Variants in SUCLG2 observed in about 807,000 individuals in gnomAD.
The protein encoded by SUCLG2 is succinate-CoA ligase GDP-forming subunit beta.
Under a neutral mutation model 47.9 loss-of-function variants are expected in SUCLG2, and 42 were observed. That is an observed-to-expected ratio of 0.88 (90% CI 0.69 to 1.14). SUCLG2 has a LOEUF of 1.14. Among genes scored for constraint, SUCLG2 ranks in the 50% most tolerant of loss-of-function variants. SUCLG2 has a pLI of 0.00. For missense variants in SUCLG2, 571 were observed against 525.9 expected (o/e 1.09, Z -0.84); for synonymous variants, 195 against 197.3 (o/e 0.99, Z 0.10).
At chr3:67,405,167 G>A (rs963673103) in intron 9 of SUCLG2, among the ~76,000 whole-genome samples, 8 of 152,020 alleles carry the variant, frequency 5.3e-5, no homozygotes, top group Admixed American at 3.3e-4. Flanking sequence ...TACAGGGCCC[G>A]GGTCCCCAGA....
intron 7 of SUCLG2, among the ~76,000 whole-genome samples, chr3:67,501,566 A>G (rs1399212800): frequency 6.6e-6 from 1 of 152,126 alleles, no homozygotes; most frequent in Non-Finnish European, 1.5e-5. Context: ...TCTGGGAGAT[A>G]GGAGAGTCTT....
At chr3:67,379,469 G>C (rs1702107641) in intron 10 of SUCLG2, among the ~76,000 whole-genome samples, 1 of 152,136 alleles carries the variant, frequency 6.6e-6, no homozygotes, top group Non-Finnish European at 1.5e-5. Context: ...AGTTTTACCT[G>C]AGTTCCTTTG....
At chr3:67,399,659 A>G (rs983741121) in intron 10 of SUCLG2, among the ~76,000 whole-genome samples, 3 of 152,188 alleles carry the variant, frequency 2.0e-5, no homozygotes, top group Non-Finnish European at 4.4e-5. Flanking sequence ...CAACCTTTGG[A>G]AGATCTGCAT....
chr3:67,516,917 C>T (rs1705961159), intron 6 of SUCLG2, among the ~76,000 whole-genome samples: 1 of 152,178 alleles, frequency 6.6e-6, no homozygotes, highest in Non-Finnish European at 1.5e-5. Context: ...TAATAAACAT[C>T]AAATGAATGG....
rs373751878 is a variant in SUCLG2, at chr3:67,418,948, T to C, written c.1063-18097A>G. ...TAAGAAATGCATTCAGTGAAACCTT[T>C]GAAATAGCTGTGTGCTCTCTATGCC... On this transcript the variant is annotated intron_variant, in intron 9 of 10. Transcript: ENST00000307227. Among the ~76,000 whole-genome samples the C allele has an allele frequency of 1.7e-4, 26 of 152,176 alleles. 2 individuals are homozygous for C. The highest frequency in any genetic ancestry group is 5.5e-4 in the African/African-American group (23 of 41,502).
chr3:67,603,002 A>G (rs1708452561), intron 2 of SUCLG2, among the ~76,000 whole-genome samples: 1 of 152,154 alleles, frequency 6.6e-6, no homozygotes, highest in Non-Finnish European at 1.5e-5. Flanking sequence ...AAATCACACC[A>G]CAGGAACCAT....
In SUCLG2 at chr3:67,528,955, T is replaced by C. The variant is rs1295563037; in HGVS notation, c.326+132A>G. ...CACTGCCAGAGCCCTCTACCTATGA[T>C]TTCAGTTTCTTCTAGTTGCTTTGGC... On this transcript the variant is annotated intron_variant, in intron 3 of 10. Coordinates refer to ENST00000307227, the MANE Select transcript of SUCLG2 (RefSeq NM_003848.4). The C allele has an allele frequency of 1.7e-5, 11 of 641,882 alleles. No homozygotes were observed. The East Asian group carries it at 2.8e-4, about 16-fold the overall frequency. 39.8% of individuals were successfully genotyped at this position (641,882 alleles called of 1,614,324 possible).
intron 2 of SUCLG2, among the ~76,000 whole-genome samples, chr3:67,536,309 A>C (rs139067823): frequency 6.6e-6 from 1 of 152,254 alleles, no homozygotes; most frequent in Non-Finnish European, 1.5e-5. Context: ...TTTTACAGCA[A>C]TATTACTAAT....
At chr3:67,482,917 T>C (rs1225729966) in intron 9 of SUCLG2, among the ~76,000 whole-genome samples, 1 of 152,230 alleles carries the variant, frequency 6.6e-6, no homozygotes. Context: ...TCAAAAACTT[T>C]CTATTGAGTT....
At chr3:67,512,928 C>T (rs567868043) in intron 6 of SUCLG2, among the ~76,000 whole-genome samples, 5 of 150,424 alleles carry the variant, frequency 3.3e-5, no homozygotes, top group East Asian at 3.9e-4. Context: ...TCTATATATA[C>T]GCACATATAT....
At chr3:67,426,634 T>C (rs1407075180) in intron 9 of SUCLG2, among the ~76,000 whole-genome samples, 1 of 152,120 alleles carries the variant, frequency 6.6e-6, no homozygotes, top group Non-Finnish European at 1.5e-5. Context: ...TTCTGCTAAT[T>C]AAAATAGGTG....
chr3:67,595,686 A>C (rs1177925740), intron 2 of SUCLG2, among the ~76,000 whole-genome samples: 2 of 152,182 alleles, frequency 1.3e-5, no homozygotes, highest in Non-Finnish European at 2.9e-5. Context: ...ATTATTTTAT[A>C]AACTATGGAT....
At chr3:67,409,127 T>C in intron 9 of SUCLG2, 1 of 1,341,420 alleles carries the variant, frequency 7.5e-7, no homozygotes, top group Non-Finnish European at 1.0e-6. Context: ...TCCTGTTTAC[T>C]GATAAAAGAG....
At chr3:67,500,589 G>A (rs1705470795) in intron 7 of SUCLG2, among the ~76,000 whole-genome samples, 1 of 152,140 alleles carries the variant, frequency 6.6e-6, no homozygotes, top group East Asian at 1.9e-4. Flanking sequence ...AATGTTCTCT[G>A]CTTGCTACAG....
At chr3:67,545,646 A>G (rs1311609021) in intron 2 of SUCLG2, among the ~76,000 whole-genome samples, 3 of 152,058 alleles carry the variant, frequency 2.0e-5, no homozygotes, top group Non-Finnish European at 4.4e-5. Context: ...GGCCTGAGAA[A>G]TAGCTATTTC....
chr3:67,576,427 G>A (rs1047348895), intron 2 of SUCLG2, among the ~76,000 whole-genome samples: 3 of 152,128 alleles, frequency 2.0e-5, no homozygotes, highest in Admixed American at 6.5e-5. Context: ...GTAGACTTAG[G>A]AAATTTTCTT....
intron 9 of SUCLG2, among the ~76,000 whole-genome samples, chr3:67,487,140 A>T (rs1457057279): frequency 6.6e-6 from 1 of 151,724 alleles, no homozygotes; most frequent in Non-Finnish European, 1.5e-5. Flanking sequence ...GCCACTTCTG[A>T]TCCTAATATT....
Position 67,507,651 on chromosome 3 carries a change from G to C in SUCLG2, c.757+1156C>G, listed in dbSNP as rs115059671. On this transcript the variant is annotated intron_variant, in intron 7 of 10. Transcript: ENST00000307227. ...CTCTGGGTTCGAAGGAAATGATAGT[G>C]TAGTTTCTCTGAGTCTAGCTACAGA... Among the ~76,000 whole-genome samples, 747 of 152,324 alleles carry C rather than the reference G, an allele frequency of 4.9e-3. 2 individuals carry two copies. The highest frequency in any genetic ancestry group is 7.2e-3 in the Non-Finnish European group (491 of 68,024).
intron 9 of SUCLG2, chr3:67,409,137 G>C: frequency 7.7e-7 from 1 of 1,295,998 alleles, no homozygotes; most frequent in Non-Finnish European, 1.0e-6. Flanking sequence ...TGATAAAAGA[G>C]TTGTCCAGAG....
Sources: gnomAD v4.1 joint callset for allele counts (sites outside exome capture counted in the v4.1 genomes callset) on GRCh38, gnomAD v4.1.1 for gene constraint, MANE v1.5 for transcripts, NCBI Gene and HGNC (gene_info 2026-07-23, HGNC 2026-07-21) for gene names.